ALPK1: variants seen among roughly 807,000 people sequenced by gnomAD.
ALPK1 encodes alpha kinase 1, also known as alpha-protein kinase 1.
A neutral mutation model predicts 120.6 loss-of-function variants in ALPK1; 110 were observed. The ratio of observed to expected loss-of-function variants is 0.91; its 90% CI spans 0.78 to 1.07. The LOEUF is 1.07. Among genes scored for constraint, ALPK1 ranks in the 50% least tolerant of loss-of-function variants. The pLI, the probability that ALPK1 is intolerant of heterozygous loss-of-function variation, is 0.00. For synonymous variants in ALPK1, 582 were observed against 560.3 expected (o/e 1.04, Z -0.55); for missense variants, 1,498 against 1,483.9 (o/e 1.01, Z -0.16).
In ALPK1 at chr4:112,411,989, G is replaced by T. The variant is rs112218994; in HGVS notation, c.439G>T (p.Val147Leu). Reference sequence around the variant, plus strand: ...GCCAGCCACGCCAATTGCCCCGCAGGTGGTTATTCGCCAAGCCCGAATCTC... The same window carrying T: ...GCCAGCCACGCCAATTGCCCCGCAGTTGGTTATTCGCCAAGCCCGAATCTC... ...LQPATPIAPQ[V>L]VIRQARISVN... is the part of the protein sequence containing the mutation. Residue 147 changes from valine (V) to leucine (L), a missense_variant, in exon 5 of 16, where the codon GTG (valine) becomes TTG (leucine). Transcript: ENST00000650871. The T allele has an allele frequency of 1.2e-6, 2 of 1,614,140 alleles. No individual in the cohort carries two copies. Among genetic ancestry groups the T allele is most frequent in the South Asian group, 2.2e-5 (2 of 91,076 alleles).
chr4:112,346,099 G>A (rs561781775), intron 2 of ALPK1, among the ~76,000 whole-genome samples: 6 of 152,316 alleles, frequency 3.9e-5, no homozygotes, highest in Admixed American at 1.3e-4. Flanking sequence ...CCAACCTCAG[G>A]TGATCTGCCC....
chr4:112,348,024 C>T (rs909498587), intron 2 of ALPK1, among the ~76,000 whole-genome samples: 5 of 152,170 alleles, frequency 3.3e-5, no homozygotes, highest in Admixed American at 6.5e-5. Context: ...AATGAGAGTT[C>T]TTCCGCTTGA....
intron 4 of ALPK1, among the ~76,000 whole-genome samples, chr4:112,397,328 G>T (rs549176498): frequency 3.3e-5 from 5 of 152,300 alleles, no homozygotes; most frequent in South Asian, 2.1e-4. Flanking sequence ...AGCTTTTTAT[G>T]TATTCTGTAT....
intron 2 of ALPK1, among the ~76,000 whole-genome samples, chr4:112,326,408 G>T (rs1729121356): frequency 6.6e-6 from 1 of 152,158 alleles, no homozygotes; most frequent in Admixed American, 6.5e-5. Context: ...AGAGAGAAAT[G>T]AAGCAGACTT....
In ALPK1 at chr4:112,431,377, G is replaced by T. The variant is rs773155528; in HGVS notation, c.1830G>T (p.Glu610Asp). The stretch of plus-strand genomic sequence containing the variant: ...TTGACGACAGGTCAGCCAGAAAAGA[G>T]CCTGGCAAAGAACATCTGGTGGACA... ...YHVDDRSARK[E>D]PGKEHLVDTQ... Residue 610 changes from glutamate (E) to aspartate (D), a missense_variant, in exon 11 of 16, where the codon GAG becomes GAT. Coordinates refer to ENST00000650871, the MANE Select transcript of ALPK1 (RefSeq NM_025144.4). 1 of 1,614,200 alleles carries T rather than the reference G, an allele frequency of 6.2e-7. No individual in the cohort carries two copies. Among genetic ancestry groups the T allele is most frequent in the Non-Finnish European group, 8.5e-7 (1 of 1,180,032 alleles).
chr4:112,412,166 C>T, intron 5 of ALPK1, 141 bp downstream of exon 5: 3 of 992,752 alleles, frequency 3.0e-6, no homozygotes, highest in Admixed American at 4.2e-5. Flanking sequence ...TCCCCTCCCC[C>T]GCCCCTGTGC....
intron 2 of ALPK1, among the ~76,000 whole-genome samples, chr4:112,373,746 G>A (rs1204492997): frequency 6.6e-6 from 1 of 152,050 alleles, no homozygotes; most frequent in Non-Finnish European, 1.5e-5. Context: ...ATTAAAAAAA[G>A]GTGAGTTACA....
intron 2 of ALPK1, among the ~76,000 whole-genome samples, chr4:112,350,690 C>G (rs1730315838): frequency 1.3e-5 from 2 of 152,194 alleles, no homozygotes. Flanking sequence ...GCACTCTTAT[C>G]CTGATCTTCT....
chr4:112,377,117 T>G (rs1731700504), intron 2 of ALPK1, among the ~76,000 whole-genome samples: 1 of 152,132 alleles, frequency 6.6e-6, no homozygotes, highest in South Asian at 2.1e-4. Context: ...GGAAATTGGG[T>G]TTTCTAGGAT....
chr4:112,435,061 G>C (rs1010066910), intron 11 of ALPK1, 87 bp from the exon 12 acceptor site: 3 of 1,300,916 alleles, frequency 2.3e-6, no homozygotes, highest in African/African-American at 3.0e-5. Flanking sequence ...AGGTGAGCTG[G>C]CGTAGGACCT....
intron 4 of ALPK1, 167 bp downstream of exon 4, chr4:112,382,719 T>A: frequency 1.1e-6 from 1 of 951,020 alleles, no homozygotes; most frequent in Non-Finnish European, 1.6e-6. Flanking sequence ...TGAAAAACAT[T>A]ACTTGCCCAT....
intron 2 of ALPK1, among the ~76,000 whole-genome samples, chr4:112,362,793 C>G (rs1730969815): frequency 6.6e-6 from 1 of 152,166 alleles, no homozygotes; most frequent in East Asian, 1.9e-4. Flanking sequence ...ATCAGGTTAT[C>G]TAAAGCCAAG....
rs779046148 is a variant in ALPK1, at chr4:112,440,992, T to G, written c.3614T>G (p.Phe1205Cys). 2 of 1,614,030 alleles carry G rather than the reference T, an allele frequency of 1.2e-6. No individual in the cohort carries two copies. The highest frequency in any genetic ancestry group is 1.7e-6 in the Non-Finnish European group (2 of 1,179,922). ...PQIHSVDQKV[F>C]TTNFGKRGIF... Reference sequence around the variant, plus strand: ...ATTCACTCCGTTGATCAGAAAGTTTTCACTACCAATTTTGGAAAGAGAGGA... The same window carrying G: ...ATTCACTCCGTTGATCAGAAAGTTTGCACTACCAATTTTGGAAAGAGAGGA... The change falls in exon 15 of 16, where the codon TTC becomes TGC. Residue 1205 changes from phenylalanine to cysteine, a missense_variant. Transcript: ENST00000650871.
intron 4 of ALPK1, among the ~76,000 whole-genome samples, chr4:112,405,311 CA>C (rs1733116551): frequency 1.3e-5 from 2 of 152,158 alleles, no homozygotes; most frequent in Non-Finnish European, 2.9e-5. Context: ...CAGCTATCAC[CA>C]AATCATCATT....
chr4:112,423,146 T>G (rs1192715682), intron 5 of ALPK1, among the ~76,000 whole-genome samples: 2 of 152,074 alleles, frequency 1.3e-5, no homozygotes, highest in Non-Finnish European at 2.9e-5. Flanking sequence ...AATAAGATGG[T>G]CAGGGGAGGC....
chr4:112,405,650 A>G (rs1440510448), intron 4 of ALPK1, among the ~76,000 whole-genome samples: 2 of 152,094 alleles, frequency 1.3e-5, no homozygotes, highest in Admixed American at 6.6e-5. Context: ...ATCTCGGCTC[A>G]CTGCAACCCC....
At chr4:112,356,952 G>A (rs1194908017) in intron 2 of ALPK1, 1 of 764,064 alleles carries the variant, frequency 1.3e-6, no homozygotes, top group Non-Finnish European at 2.4e-6. Flanking sequence ...CCGAGTTCGG[G>A]ACTGGACGTC....
intron 5 of ALPK1, among the ~76,000 whole-genome samples, chr4:112,415,443 C>G (rs1188936431): frequency 1.3e-5 from 2 of 152,144 alleles, no homozygotes; most frequent in Non-Finnish European, 2.9e-5. Context: ...CGAGACCAGC[C>G]TGGCTAACAT....
At chr4:112,367,904 ATT>A (rs904437972) in intron 2 of ALPK1, among the ~76,000 whole-genome samples, 6 of 151,448 alleles carry the variant, frequency 4.0e-5, no homozygotes, top group African/African-American at 1.5e-4. Context: ...AGAGCTAATT[ATT>A]TTTTTTTCTT....
Sources: allele counts gnomAD v4.1 joint callset (sites outside exome capture counted in the v4.1 genomes callset), GRCh38; gene constraint gnomAD v4.1.1; transcripts MANE v1.5; gene names NCBI Gene and HGNC (gene_info 2026-07-23, HGNC 2026-07-21).